KCTD16: variants seen among roughly 807,000 people sequenced by gnomAD.
The protein encoded by KCTD16 is BTB/POZ domain-containing protein KCTD16.
In KCTD16, 13 loss-of-function variants were observed where a neutral mutation model predicts 33.2. The observed-to-expected ratio is 0.39, with a 90% CI of 0.25 to 0.62. The LOEUF (loss-of-function observed/expected upper bound fraction) is 0.62, where lower values mean the gene tolerates loss of function less well. Ranked by LOEUF, KCTD16 falls within the 20% of genes least tolerant of loss-of-function variation. KCTD16 has a pLI of 0.50. For missense variants in KCTD16, 441 were observed against 525.1 expected (o/e 0.84, Z 1.57); for synonymous variants, 197 against 195.3 (o/e 1.01, Z -0.07).
rs1228284945 is a variant in KCTD16 at position 144,207,059 on chromosome 5, C to G, written c.345C>G (p.Leu115=). 5.0e-6 allele frequency: 8 copies of G among 1,613,776 alleles called. No homozygotes were observed. Among genetic ancestry groups the G allele is most frequent in the Non-Finnish European group, 6.8e-6 (8 of 1,179,934 alleles). The change falls in exon 3 of 4, where the codon CTC becomes CTG. Residue 115 remains leucine (L), a synonymous_variant. Transcript: ENST00000512467. ...AAAGGGAAGCTGAATACTTCCAGCT[C>G]CCAGACTTGGTCAAACTCCTGACCC... The part of the protein sequence containing the change: ...RLKREAEYFQ[L]PDLVKLLTPD...
At chr5:144,444,138 G>A (rs1753768906) in intron 3 of KCTD16, among the ~76,000 whole-genome samples, 1 of 151,908 alleles carries the variant, frequency 6.6e-6, no homozygotes, top group South Asian at 2.1e-4. Context: ...TACTGGGATT[G>A]CCATCGTTTC....
At chr5:144,235,115 T>C (rs137903417) in intron 3 of KCTD16, among the ~76,000 whole-genome samples, 2 of 152,304 alleles carry the variant, frequency 1.3e-5, no homozygotes, top group Non-Finnish European at 2.9e-5. Flanking sequence ...GTTGATGGAA[T>C]AAAATGTTCT....
rs553634197 is a variant in KCTD16, at chr5:144,174,370, C to A, written c.-429C>A. 1.2e-4 allele frequency: 18 copies of A among 152,268 alleles called. No individual in the cohort carries two copies. The highest frequency in any genetic ancestry group is 3.9e-4 in the African/African-American group (16 of 41,550). 9.4% of individuals were successfully genotyped at this position (152,268 alleles called of 1,614,324 possible). ...TTGAACATGGGCAGTTTTCTCCTACCGTCAGCTATATCCACAAGCATCACA... is the reference window on the plus strand; with the variant it reads ...TTGAACATGGGCAGTTTTCTCCTACAGTCAGCTATATCCACAAGCATCACA... On this transcript the variant is annotated 5_prime_UTR_variant, in exon 2 of 4. Coordinates refer to ENST00000512467, the MANE Select transcript of KCTD16 (RefSeq NM_020768.4).
intron 3 of KCTD16, among the ~76,000 whole-genome samples, chr5:144,236,411 G>A (rs1417918095): frequency 6.6e-6 from 1 of 152,038 alleles, no homozygotes. Context: ...AACATTGAAG[G>A]GATGATTCCA....
intron 3 of KCTD16, among the ~76,000 whole-genome samples, chr5:144,443,774 T>C (rs1027581371): frequency 6.6e-6 from 1 of 152,116 alleles, no homozygotes; most frequent in Non-Finnish European, 1.5e-5. Flanking sequence ...TCAACTTGTC[T>C]TCTGAGTCTT....
chr5:144,351,166 G>A (rs774248236), intron 3 of KCTD16, among the ~76,000 whole-genome samples: 2 of 152,072 alleles, frequency 1.3e-5, no homozygotes, highest in African/African-American at 2.4e-5. Flanking sequence ...GATCTTTGTC[G>A]TTTGTTCTCT....
At chr5:144,280,717 G>A (rs543926336) in intron 3 of KCTD16, among the ~76,000 whole-genome samples, 62 of 152,336 alleles carry the variant, frequency 4.1e-4, no homozygotes, top group African/African-American at 1.4e-3. Context: ...GAGGTCAGGA[G>A]ATCGAGACCA....
intron 3 of KCTD16, among the ~76,000 whole-genome samples, chr5:144,226,763 G>A (rs1035509219): frequency 5.9e-5 from 9 of 151,894 alleles, no homozygotes; most frequent in African/African-American, 1.9e-4. Context: ...AGTTGAGATG[G>A]GATTTCGCCA....
chr5:144,396,932 A>T (rs1046664883), intron 3 of KCTD16, among the ~76,000 whole-genome samples: 70 of 146,806 alleles, frequency 4.8e-4, no homozygotes, highest in South Asian at 8.5e-4. Context: ...ATATATATAT[A>T]TTTTATTATA....
At chr5:144,454,173 T>C (rs1272880267) in intron 3 of KCTD16, among the ~76,000 whole-genome samples, 1 of 152,196 alleles carries the variant, frequency 6.6e-6, no homozygotes, top group East Asian at 1.9e-4. Flanking sequence ...CCTTGTGCTA[T>C]GTATTATTTT....
At chr5:144,424,243 A>G (rs946582941) in intron 3 of KCTD16, among the ~76,000 whole-genome samples, 3 of 152,168 alleles carry the variant, frequency 2.0e-5, no homozygotes, top group African/African-American at 7.2e-5. Flanking sequence ...TTGGTCTAAG[A>G]AGCTTCTAAG....
intron 3 of KCTD16, among the ~76,000 whole-genome samples, chr5:144,437,578 T>C (rs1753606915): frequency 2.0e-5 from 3 of 152,192 alleles, no homozygotes; most frequent in Admixed American, 2.0e-4. Flanking sequence ...TATTATTGAT[T>C]TCCCCAGATA....
chr5:144,194,026 A>C (rs1752894149), intron 2 of KCTD16, among the ~76,000 whole-genome samples: 1 of 152,054 alleles, frequency 6.6e-6, no homozygotes, highest in Admixed American at 6.5e-5. Flanking sequence ...TCTCTGTAAA[A>C]ATGCCCAGCA....
In KCTD16 at chr5:144,293,906, TC is replaced by T. The variant is rs556393106; in HGVS notation, c.832+86363del. 1.9e-4 allele frequency among the ~76,000 whole-genome samples: 29 copies of T among 152,312 alleles called. No homozygotes were observed. In the East Asian group the frequency reaches 4.4e-3, roughly 23 times the overall value. On this transcript the variant is annotated intron_variant, in intron 3 of 3. Transcript: ENST00000512467. ...TGGGTGCGGTGGCTCACGCCTGTAA[TC>T]CCAGCACTTTGGGAGGCCAAGGCAG...
chr5:144,235,303 G>C (rs1303691637), intron 3 of KCTD16, among the ~76,000 whole-genome samples: 1 of 152,016 alleles, frequency 6.6e-6, no homozygotes, highest in Non-Finnish European at 1.5e-5. Context: ...CTCTCCCAAG[G>C]GGTGTGGCTT....
At chr5:144,254,303 ATT>A (rs552314516) in intron 3 of KCTD16, among the ~76,000 whole-genome samples, 1 of 134,934 alleles carries the variant, frequency 7.4e-6, no homozygotes, top group African/African-American at 2.6e-5. Flanking sequence ...AGCCCAGCTA[ATT>A]TTTTTTTTTT....
At chr5:144,200,833 C>T (rs533496873) in intron 2 of KCTD16, among the ~76,000 whole-genome samples, 2 of 152,314 alleles carry the variant, frequency 1.3e-5, no homozygotes, top group Admixed American at 1.3e-4. Flanking sequence ...AAACTCGAGA[C>T]TCAAGGTATT....
chr5:144,422,402 C>T lies in KCTD16; in HGVS notation c.833-51258C>T, dbSNP rs144565609. On this transcript the variant is annotated intron_variant, in intron 3 of 3. Transcript: ENST00000512467. ...ACATCCACATTTTAAAAATTTCAAA[C>T]GGATCCACAAGTAGAAGTATTTGTC... Among the ~76,000 whole-genome samples the T allele has an allele frequency of 5.6e-3, 849 of 152,244 alleles. 12 individuals are homozygous for T. Among genetic ancestry groups the T allele is most frequent in the African/African-American group, 0.02 (812 of 41,558 alleles).
rs148799000 is a variant in KCTD16, at chr5:144,386,302, G to A, written c.833-87358G>A. Among the ~76,000 whole-genome samples, 557 of 152,304 alleles carry A rather than the reference G, an allele frequency of 3.7e-3. 2 individuals carry two copies. The highest frequency in any genetic ancestry group is 0.013 in the African/African-American group (534 of 41,564). ...ATCACTAAAGCATCCCAGTTGCACA[G>A]TAACCAATTCCAGGGAACCCCAAAT... is the stretch of plus-strand genomic sequence containing the variant. On this transcript the variant is annotated intron_variant, in intron 3 of 3. Transcript: ENST00000512467.
Sources: gnomAD v4.1 joint callset for allele counts (sites outside exome capture counted in the v4.1 genomes callset) on GRCh38, gnomAD v4.1.1 for gene constraint, MANE v1.5 for transcripts, NCBI Gene and HGNC (gene_info 2026-07-23, HGNC 2026-07-21) for gene names.